Variants in PCDHA3 observed in about 807,000 individuals in gnomAD.
The protein encoded by PCDHA3 is protocadherin alpha 3.
A neutral mutation model predicts 62.2 loss-of-function variants in PCDHA3; 41 were observed. The ratio of observed to expected loss-of-function variants is 0.66; its 90% CI spans 0.51 to 0.86. PCDHA3 has a LOEUF of 0.86. Ranked by LOEUF, PCDHA3 falls within the 40% of genes least tolerant of loss-of-function variation. PCDHA3 has a pLI of 0.00. For synonymous variants in PCDHA3, 640 were observed against 555.4 expected (o/e 1.15, Z -2.14); for missense variants, 1,304 against 1,241.2 (o/e 1.05, Z -0.76).
At chr5:140,843,610 G>A (rs1554140251) in intron 1 of PCDHA3, 2 of 1,595,980 alleles carry the variant, frequency 1.3e-6, no homozygotes, top group South Asian at 1.1e-5. Context: ...CTGGTGAGGG[G>A]CCACCGAAGA....
At chr5:140,864,296 A>T (rs1232211439) in intron 1 of PCDHA3, 1 of 152,194 alleles carries the variant, frequency 6.6e-6, no homozygotes, top group African/African-American at 2.4e-5. Context: ...TATGTATTCA[A>T]AAATACCATG....
intron 1 of PCDHA3, chr5:140,928,859 T>G (rs782758888): frequency 1.2e-6 from 2 of 1,614,176 alleles, no homozygotes; most frequent in Non-Finnish European, 1.7e-6. Flanking sequence ...GGTGTGCTGT[T>G]GAGCAACTCT....
intron 3 of PCDHA3, among the ~76,000 whole-genome samples, chr5:140,987,604 T>G (rs2097261353): frequency 6.6e-6 from 1 of 152,222 alleles, no homozygotes; most frequent in Admixed American, 6.5e-5. Context: ...GTCTACCTTA[T>G]AGGGTTCTTG....
rs2150151529 is a variant in PCDHA3 at position 140,828,158 on chromosome 5, G to A, written c.2394+24567G>A. ...GCTCCTCCCGCTTCTGCTCCTCGCAGCCTGGAAGGTGGGGAGCGGCCAGCT... is the reference window on the plus strand; with the variant it reads ...GCTCCTCCCGCTTCTGCTCCTCGCAACCTGGAAGGTGGGGAGCGGCCAGCT... On this transcript the variant is annotated intron_variant, in intron 1 of 3. Transcript: ENST00000522353. 4 of 1,614,202 alleles carry A rather than the reference G, an allele frequency of 2.5e-6. No individual in the cohort carries two copies. In the East Asian group the frequency reaches 8.9e-5, roughly 36 times the overall value.
intron 1 of PCDHA3, chr5:140,870,842 T>G (rs781830221): frequency 6.2e-7 from 1 of 1,613,798 alleles, no homozygotes; most frequent in Non-Finnish European, 8.5e-7. Flanking sequence ...AACAAGCTAG[T>G]ACCGCGGTCG....
chr5:140,896,389 G>C (rs2065520134), intron 1 of PCDHA3, among the ~76,000 whole-genome samples: 1 of 152,124 alleles, frequency 6.6e-6, no homozygotes, highest in East Asian at 1.9e-4. Flanking sequence ...AACCTCACCA[G>C]CATCTGTTAT....
chr5:140,857,234 C>T (rs781784109), intron 1 of PCDHA3: 2 of 1,598,590 alleles, frequency 1.3e-6, no homozygotes, highest in South Asian at 1.1e-5. Context: ...TCCGTTCAAG[C>T]TGGTGTCCAC....
At chr5:140,837,881 G>A (rs1360398902) in intron 1 of PCDHA3, among the ~76,000 whole-genome samples, 1 of 151,490 alleles carries the variant, frequency 6.6e-6, no homozygotes, top group Admixed American at 6.6e-5. Context: ...GTGGAGTCTT[G>A]TTTCCCAGGC....
At chr5:140,927,547 G>A (rs2084343936) in intron 1 of PCDHA3, 2 of 1,614,126 alleles carry the variant, frequency 1.2e-6, no homozygotes, top group Non-Finnish European at 8.5e-7. Flanking sequence ...AGACGCACAA[G>A]TCACCATCAT....
At chr5:140,950,429 T>TGTA (rs1554219455) in intron 1 of PCDHA3, among the ~76,000 whole-genome samples, 5 of 151,900 alleles carry the variant, frequency 3.3e-5, no homozygotes, top group African/African-American at 1.2e-4. Flanking sequence ...TTCTTCCACT[T>TGTA]AAAAAAAATG....
Position 140,929,423 on chromosome 5 carries a change from C to T in PCDHA3, c.2395-49526C>T, listed in dbSNP as rs1435902323. 4.7e-6 allele frequency: 7 copies of T among 1,499,372 alleles called. No homozygotes were observed. In the Admixed American group the frequency reaches 7.1e-5, roughly 15 times the overall value. The allele number at this position is 1,499,372 out of a possible 1,614,324, so 92.9% of individuals were successfully genotyped here. A position where few individuals can be genotyped will look rare whatever the true frequency, so the allele number is the denominator to read the frequency against. The stretch of plus-strand genomic sequence containing the variant: ...AGACAAGCCTTTCACAACATTTCAT[C>T]AATTGAACTAAACACTCCTTCTTAG... On this transcript the variant is annotated intron_variant, in intron 1 of 3. Transcript: ENST00000522353.
At chr5:140,845,023 G>A (rs1554140814) in intron 1 of PCDHA3, among the ~76,000 whole-genome samples, 2 of 149,032 alleles carry the variant, frequency 1.3e-5, no homozygotes, top group African/African-American at 2.5e-5. Flanking sequence ...AATCATTTAT[G>A]GGCATATTTT....
At chr5:140,810,456 A>G (rs1372251098) in intron 1 of PCDHA3, 2 of 152,252 alleles carry the variant, frequency 1.3e-5, no homozygotes, top group Non-Finnish European at 2.9e-5. Flanking sequence ...CTAGTAGTGC[A>G]TAAGGCTTTC....
chr5:141,001,381 A>G (rs1213919091), intron 3 of PCDHA3, among the ~76,000 whole-genome samples: 1 of 152,218 alleles, frequency 6.6e-6, no homozygotes, highest in Non-Finnish European at 1.5e-5. Context: ...TACAGAGCCT[A>G]AGATCCTACA....
At position 140,848,444 on chromosome 5, in the gene PCDHA3, C is replaced by T. The variant is rs2150410443; in HGVS notation, c.2394+44853C>T. 2.3e-5 allele frequency: 35 copies of T among 1,498,894 alleles called. 1 individual carries two copies. Among genetic ancestry groups the T allele is most frequent in the Non-Finnish European group, 2.9e-5 (32 of 1,100,132 alleles). The allele number at this position is 1,498,894 out of a possible 1,614,324, so 92.8% of individuals were successfully genotyped here. On this transcript the variant is annotated intron_variant, in intron 1 of 3. Coordinates refer to ENST00000522353, the MANE Select transcript of PCDHA3 (RefSeq NM_018906.3). ...TGGGACTGACGAAATCAGATGATTT[C>T]TTCTAATTTGGAGGCAATTTTCACT... is the stretch of plus-strand genomic sequence containing the variant.
At chr5:140,823,154 C>A in intron 1 of PCDHA3, 3 of 1,613,878 alleles carry the variant, frequency 1.9e-6, no homozygotes, top group Non-Finnish European at 2.5e-6. Flanking sequence ...CCCCAGTATA[C>A]CGTGTTCGTG....
At chr5:140,821,634 G>A (rs2150109969) in intron 1 of PCDHA3, 20,472 of 1,004,422 alleles carry the variant, frequency 0.02, 283 homozygotes, top group Non-Finnish European at 0.025. Context: ...AGACAGAAAG[G>A]AAAAGAACCT....
intron 1 of PCDHA3, among the ~76,000 whole-genome samples, chr5:140,914,947 T>TC (rs1232423561): frequency 7.0e-6 from 1 of 142,282 alleles, no homozygotes; most frequent in Non-Finnish European, 1.5e-5. Context: ...AAGTTGTCTT[T>TC]TTTTTTTTTT....
chr5:140,836,667 G>C, intron 1 of PCDHA3: 2 of 1,613,396 alleles, frequency 1.2e-6, no homozygotes, highest in Non-Finnish European at 1.7e-6. Context: ...GTGCTCTGGG[G>C]AGGGCCCACC....
Sources: allele counts gnomAD v4.1 joint callset (sites outside exome capture counted in the v4.1 genomes callset), GRCh38; gene constraint gnomAD v4.1.1; transcripts MANE v1.5; gene names NCBI Gene and HGNC (gene_info 2026-07-23, HGNC 2026-07-21).